DHCR7: variants seen among roughly 807,000 people sequenced by gnomAD.
The protein encoded by DHCR7 is 7-dehydrocholesterol reductase.
A neutral mutation model predicts 43.3 loss-of-function variants in DHCR7; 40 were observed. The ratio of observed to expected loss-of-function variants is 0.92; its 90% CI spans 0.72 to 1.20. The LOEUF (loss-of-function observed/expected upper bound fraction) is 1.20. Ranked by LOEUF, DHCR7 falls within the 50% of genes most tolerant of loss-of-function variation. The pLI is 0.00. For missense variants in DHCR7, 608 were observed against 644.6 expected, an observed-to-expected ratio of 0.94 and a Z score of 0.62; for synonymous variants, 298 against 271.4, an observed-to-expected ratio of 1.10 and a Z score of -0.96.
chr11:71,438,855 AC>A, intron 7 of DHCR7, 23 bp downstream of exon 7: 1 of 1,612,000 alleles, frequency 6.2e-7, no homozygotes. Flanking sequence ...TCGGCGTTTC[AC>A]CCTCTCCAGC....
At chr11:71,440,474 T>G (rs2135943921) in intron 6 of DHCR7, among the ~76,000 whole-genome samples, 1 of 138,400 alleles carries the variant, frequency 7.2e-6, no homozygotes, top group Non-Finnish European at 1.6e-5. Flanking sequence ...GGATGATGGA[T>G]GGGTGGGTGG....
chr11:71,447,506 G>C (rs1339846877), intron 2 of DHCR7, 104 bp downstream of exon 2: 1 of 152,246 alleles, frequency 6.6e-6, no homozygotes, highest in Non-Finnish European at 1.5e-5. Context: ...AAGAGGCACA[G>C]ACAGTCGTTG....
chr11:71,435,900 G>C, intron 8 of DHCR7, 61 bp from the exon 9 acceptor site: 1 of 1,437,054 alleles, frequency 7.0e-7, no homozygotes, highest in Non-Finnish European at 9.6e-7. Context: ...CAGGAGTGTG[G>C]GCTCGGGGGC....
chr11:71,429,634 AG>A (rs1193688871), downstream of DHCR7, among the ~76,000 whole-genome samples: 1 of 152,156 alleles, frequency 6.6e-6, no homozygotes, highest in East Asian at 1.9e-4. Flanking sequence ...GTACTGATTG[AG>A]GGGGTGAAGT....
chr11:71,436,670 A>G (rs1197243119), intron 8 of DHCR7, among the ~76,000 whole-genome samples: 2 of 152,200 alleles, frequency 1.3e-5, no homozygotes, highest in Non-Finnish European at 2.9e-5. Context: ...CTCAAAAAAA[A>G]AAAAAAAGTG....
chr11:71,448,391 C>G lies in DHCR7; in HGVS notation c.-233G>C, dbSNP rs1055826415. The G allele has an allele frequency of 1.3e-5, 2 of 152,424 alleles. No homozygotes were observed. Among genetic ancestry groups the G allele is most frequent in the East Asian group, 1.9e-4 (1 of 5,198 alleles). The allele number at this position is 152,424 out of a possible 1,614,324, so 9.4% of individuals were successfully genotyped here. On this transcript the variant is annotated 5_prime_UTR_variant, in exon 1 of 9. Coordinates refer to ENST00000355527, the MANE Select transcript of DHCR7 (RefSeq NM_001360.3). The stretch of plus-strand genomic sequence containing the variant: ...CCTCTAGCCAGGGGTCGGAGTCACC[C>G]GCAGGGCAGGGGCGCCCGCCCCCGG...
At chr11:71,429,190 A>G (rs1949215892) in intron 2 of DHCR7, among the ~76,000 whole-genome samples, 1 of 152,212 alleles carries the variant, frequency 6.6e-6, no homozygotes, top group East Asian at 1.9e-4. Flanking sequence ...GCAGTGCCAG[A>G]GGCCCAGGGA....
At position 71,444,184 on chromosome 11, in the gene DHCR7, T is replaced by C. The variant is rs1949380147; in HGVS notation, c.130A>G (p.Ile44Val). 1.2e-6 allele frequency: 2 copies of C among 1,602,258 alleles called. No homozygotes were observed. Among genetic ancestry groups the C allele is most frequent in the African/African-American group, 1.3e-5 (1 of 74,752 alleles). ...EVDWFSLASV[I>V]FLLLFAPFIV... is the part of the protein sequence containing the mutation. ...AAGGGGGCGAACAGCAGTAGGAAGA[T>C]GACGCTCGCCAGTGAAAACCAGTCC... Residue 44 changes from isoleucine (I) to valine (V), a missense_variant, in exon 4 of 9, where the codon ATC (isoleucine) becomes GTC (valine). Physicochemically the swap from Ile to Val is conservative, Grantham distance 29. Coordinates refer to ENST00000355527, the MANE Select transcript of DHCR7 (RefSeq NM_001360.3).
rs577213881 is a variant in DHCR7, at chr11:71,435,850, A to G, written c.964-11T>C. 1 of 1,593,806 alleles carries G rather than the reference A, an allele frequency of 6.3e-7. No individual in the cohort carries two copies. Among genetic ancestry groups the G allele is most frequent in the African/African-American group, 1.3e-5 (1 of 74,686 alleles). On this transcript the variant is annotated splice_polypyrimidine_tract_variant and intron_variant, in intron 8 of 8. Coordinates refer to ENST00000355527, the MANE Select transcript of DHCR7 (RefSeq NM_001360.3). Reference sequence around the variant, plus strand: ...CACCAAGTACAGACCCTGGGGGGCGAGGGGGAAGGGGTCAAGCGGTGCTTT... The same window carrying G: ...CACCAAGTACAGACCCTGGGGGGCGGGGGGGAAGGGGTCAAGCGGTGCTTT...
intron 4 of DHCR7, among the ~76,000 whole-genome samples, chr11:71,442,785 T>C (rs1477993432): frequency 1.3e-5 from 2 of 152,160 alleles, no homozygotes; most frequent in African/African-American, 4.8e-5. Flanking sequence ...GCCTCCCAAG[T>C]AGCTGGGATT....
intron 2 of DHCR7, 123 bp from the exon 3 acceptor site, chr11:71,445,081 C>T: frequency 2.5e-6 from 2 of 785,352 alleles, no homozygotes; most frequent in East Asian, 2.5e-5. Context: ...TTCCCGGTAC[C>T]TTGTTCCTGA....
downstream of DHCR7, among the ~76,000 whole-genome samples, chr11:71,432,838 C>T (rs778353771): frequency 2.6e-5 from 4 of 152,226 alleles, no homozygotes; most frequent in South Asian, 2.1e-4. Flanking sequence ...CTGCAATCTG[C>T]GCAGCTCCTC....
At chr11:71,430,069 T>C (rs1949220964), downstream of DHCR7, among the ~76,000 whole-genome samples, 1 of 152,176 alleles carries the variant, frequency 6.6e-6, no homozygotes, top group Admixed American at 6.5e-5. Context: ...CAAGAGTGGA[T>C]CTGTGAGCTG....
intron 5 of DHCR7, among the ~76,000 whole-genome samples, chr11:71,442,006 T>C (rs757993886): frequency 8.5e-5 from 13 of 152,106 alleles, no homozygotes; most frequent in Non-Finnish European, 1.9e-4. Context: ...ATGGGCCGAG[T>C]GCATCCCCTG....
rs575162680 is a variant in DHCR7, at chr11:71,440,375, T to G, written c.626+852A>C. On this transcript the variant is annotated intron_variant, in intron 6 of 8. Coordinates refer to ENST00000355527, the MANE Select transcript of DHCR7 (RefSeq NM_001360.3). ...ATGGGTGGGTGGCTAGATGTGTAGG[T>G]GGGTGGGTAGGTGGATAGGTGGATG... Among the ~76,000 whole-genome samples the G allele has an allele frequency of 3.3e-4, 49 of 146,528 alleles. No homozygotes were observed. The South Asian group carries it at 0.01, about 30-fold the overall frequency.
intron 7 of DHCR7, chr11:71,438,624 C>G (rs992550257): frequency 4.0e-5 from 23 of 571,954 alleles, no homozygotes; most frequent in Non-Finnish European, 5.0e-5. Flanking sequence ...GTGTAATCCC[C>G]AAGGGAGACC....
intron 8 of DHCR7, among the ~76,000 whole-genome samples, chr11:71,437,176 TCA>T (rs1163898564): frequency 6.6e-6 from 1 of 152,192 alleles, no homozygotes; most frequent in Admixed American, 6.5e-5. Context: ...GCCGGGCCTG[TCA>T]CATCCTGAAT....
chr11:71,444,619 C>T (rs1184644026), intron 3 of DHCR7, among the ~76,000 whole-genome samples: 1 of 152,152 alleles, frequency 6.6e-6, no homozygotes, highest in Non-Finnish European at 1.5e-5. Flanking sequence ...CCCCAGCTGC[C>T]CTTTAAGCCT....
At chr11:71,429,396 C>T (rs545129538) in intron 2 of DHCR7, among the ~76,000 whole-genome samples, 29 of 152,164 alleles carry the variant, frequency 1.9e-4, no homozygotes, top group South Asian at 1.2e-3. Context: ...GCTGTTGAGC[C>T]GAGAACAGAC....
Sources: gnomAD v4.1 joint callset for allele counts (sites outside exome capture counted in the v4.1 genomes callset) on GRCh38, gnomAD v4.1.1 for gene constraint, MANE v1.5 for transcripts, NCBI Gene and HGNC (gene_info 2026-07-23, HGNC 2026-07-21) for gene names.